CCDC102B: variants seen among roughly 807,000 people sequenced by gnomAD.
CCDC102B encodes the protein coiled-coil domain containing 102B.
CCDC102B carries 75 observed loss-of-function variants against 57.4 expected under a neutral mutation model. That is an observed-to-expected ratio of 1.31 (90% confidence interval 1.08 to 1.58). The LOEUF is 1.58. CCDC102B is among the 40% of genes most tolerant of loss of function. The pLI is 0.00. For missense variants in CCDC102B, 636 were observed against 582.6 expected, an observed-to-expected ratio of 1.09 and a Z score of -0.94; for synonymous variants, 206 against 201.9, an observed-to-expected ratio of 1.02 and a Z score of -0.17.
At chr18:68,720,501 A>C in intron 2 of CCDC102B, among the ~76,000 whole-genome samples, 1 of 152,218 alleles carries the variant, frequency 6.6e-6, no homozygotes, top group African/African-American at 2.4e-5. Flanking sequence ...TTCATTTTAA[A>C]GCGTTCTATG....
chr18:69,057,802 T>A (rs1313683954), downstream of CCDC102B, among the ~76,000 whole-genome samples: 1 of 152,054 alleles, frequency 6.6e-6, no homozygotes, highest in African/African-American at 2.4e-5. Context: ...CCCATGCCCA[T>A]CTTGCAGATA....
intron 6 of CCDC102B, among the ~76,000 whole-genome samples, chr18:68,967,601 G>A (rs1005358939): frequency 5.3e-5 from 8 of 152,088 alleles, no homozygotes; most frequent in African/African-American, 1.9e-4. Context: ...AGGTGTTATA[G>A]AAATTAAAAA....
chr18:68,825,064 GT>G (rs1205314664), intron 1 of CCDC102B, among the ~76,000 whole-genome samples: 1 of 152,044 alleles, frequency 6.6e-6, no homozygotes, highest in Non-Finnish European at 1.5e-5. Context: ...CTGTCCACAA[GT>G]TTCATTGTTA....
intron 6 of CCDC102B, among the ~76,000 whole-genome samples, chr18:68,921,219 C>T (rs529506591): frequency 2.6e-5 from 4 of 152,262 alleles, no homozygotes; most frequent in South Asian, 2.1e-4. Context: ...TGAATTCCCA[C>T]GTGTGGTGGG....
chr18:69,047,154 G>T (rs990327103), intron 7 of CCDC102B, among the ~76,000 whole-genome samples: 3 of 151,984 alleles, frequency 2.0e-5, no homozygotes, highest in African/African-American at 7.2e-5. Context: ...GATGCAAAAA[G>T]TCCTCAACAA....
chr18:69,044,909 T>C (rs1236382647), intron 7 of CCDC102B, among the ~76,000 whole-genome samples: 1 of 152,182 alleles, frequency 6.6e-6, no homozygotes, highest in Non-Finnish European at 1.5e-5. Context: ...CTGGAGGCTG[T>C]ACGTTCAGAA....
chr18:68,845,175 A>AAC (rs1367177558), intron 3 of CCDC102B, among the ~76,000 whole-genome samples: 1 of 151,900 alleles, frequency 6.6e-6, no homozygotes, highest in African/African-American at 2.4e-5. Context: ...TTTACAGCCT[A>AAC]ACACTACTTT....
rs1003950169 is a variant in CCDC102B at position 68,925,160 on chromosome 18, T to C, written c.1263+27732T>C. On this transcript the variant is annotated intron_variant, in intron 6 of 7. Coordinates refer to ENST00000360242, the MANE Select transcript of CCDC102B (RefSeq NM_024781.3). The stretch of plus-strand genomic sequence containing the variant: ...TCCTATCCTACCACCATCTACAACT[T>C]CTCTGACAAAATGTATTACAAAATA... 2.6e-5 allele frequency among the ~76,000 whole-genome samples: 4 copies of C among 152,022 alleles called. No individual in the cohort carries two copies. The East Asian group carries it at 7.7e-4, about 29-fold the overall frequency.
intron 2 of CCDC102B, among the ~76,000 whole-genome samples, chr18:68,741,708 CACACA>C (rs765686175): frequency 0.064 from 7,366 of 115,874 alleles, 255 homozygotes; most frequent in Admixed American, 0.16. Context: ...CACACACACA[CACACA>C]CCCCAAGACA....
intron 2 of CCDC102B, among the ~76,000 whole-genome samples, chr18:68,766,671 C>T (rs1157665543): frequency 1.3e-5 from 2 of 152,034 alleles, no homozygotes; most frequent in African/African-American, 4.8e-5. Flanking sequence ...GTCTGGTGGC[C>T]CCTTTCTTTA....
At chr18:68,976,840 T>G (rs149791453) in intron 6 of CCDC102B, among the ~76,000 whole-genome samples, 189 of 152,086 alleles carry the variant, frequency 1.2e-3, no homozygotes, top group African/African-American at 4.5e-3. Context: ...CAGGAGACTT[T>G]CCACATTATT....
intron 4 of CCDC102B, among the ~76,000 whole-genome samples, chr18:68,861,199 G>T (rs2038736718): frequency 6.6e-6 from 1 of 151,818 alleles, no homozygotes; most frequent in African/African-American, 2.4e-5. Flanking sequence ...AAGTAAATAT[G>T]TCTGAAGTTT....
intron 1 of CCDC102B, among the ~76,000 whole-genome samples, chr18:68,836,018 A>C (rs1472100881): frequency 1.3e-5 from 2 of 152,284 alleles, no homozygotes; most frequent in Non-Finnish European, 1.5e-5. Context: ...AGGCTTGTTA[A>C]CCTATAGATC....
At chr18:68,895,054 T>A (rs1221903797) in intron 5 of CCDC102B, among the ~76,000 whole-genome samples, 2 of 151,882 alleles carry the variant, frequency 1.3e-5, no homozygotes, top group Non-Finnish European at 2.9e-5. Flanking sequence ...TGCTGCCTTC[T>A]TGTGGCAACT....
intron 2 of CCDC102B, chr18:68,754,120 G>T (rs1230204425): frequency 6.6e-6 from 1 of 151,948 alleles, no homozygotes; most frequent in East Asian, 1.9e-4. Flanking sequence ...TATTACTTGG[G>T]TGTAAATTAT....
chr18:68,835,472 C>G (rs1337552403), intron 1 of CCDC102B, among the ~76,000 whole-genome samples: 1 of 152,188 alleles, frequency 6.6e-6, no homozygotes, highest in Non-Finnish European at 1.5e-5. Context: ...GCTTCTCTCA[C>G]CCACCAGACT....
intron 5 of CCDC102B, among the ~76,000 whole-genome samples, chr18:68,891,511 G>C (rs932424481): frequency 6.6e-6 from 1 of 152,202 alleles, no homozygotes; most frequent in South Asian, 2.1e-4. Context: ...TATAGATGTT[G>C]CATTCCTTTT....
chr18:68,726,060 G>A (rs534812545), intron 2 of CCDC102B, among the ~76,000 whole-genome samples: 7 of 152,268 alleles, frequency 4.6e-5, no homozygotes, highest in Middle Eastern at 3.4e-3. Context: ...TTAGGGGAAT[G>A]GGGAGATGCT....
intron 3 of CCDC102B, among the ~76,000 whole-genome samples, chr18:68,839,199 C>T (rs1280295477): frequency 6.6e-6 from 1 of 152,014 alleles, no homozygotes; most frequent in East Asian, 1.9e-4. Context: ...TATATGAATT[C>T]TTAATGTACA....
Sources: gnomAD v4.1 joint callset for allele counts (sites outside exome capture counted in the v4.1 genomes callset) on GRCh38, gnomAD v4.1.1 for gene constraint, MANE v1.5 for transcripts, NCBI Gene and HGNC (gene_info 2026-07-23, HGNC 2026-07-21) for gene names.